PTPRO: variants seen among roughly 807,000 people sequenced by gnomAD.
PTPRO encodes receptor-type tyrosine-protein phosphatase O.
A neutral mutation model predicts 145.2 loss-of-function variants in PTPRO; 62 were observed. The ratio of observed to expected loss-of-function variants is 0.43; its 90% confidence interval spans 0.35 to 0.53. The LOEUF is 0.53. Ranked by LOEUF, PTPRO falls within the 20% of genes least tolerant of loss-of-function variation. The pLI is 0.01. For synonymous variants in PTPRO, 565 were observed against 514.7 expected (o/e 1.10, Z -1.32); for missense variants, 1,345 against 1,482.7 (o/e 0.91, Z 1.53).
intron 23 of PTPRO, among the ~76,000 whole-genome samples, chr12:15,585,113 A>C (rs1205061228): frequency 6.6e-6 from 1 of 152,148 alleles, no homozygotes; most frequent in Non-Finnish European, 1.5e-5. Context: ...TGATTTCCTG[A>C]TTTTAAATCA....
intron 1 of PTPRO, among the ~76,000 whole-genome samples, chr12:15,422,723 C>A (rs1362858178): frequency 6.6e-6 from 1 of 152,062 alleles, no homozygotes; most frequent in Non-Finnish European, 1.5e-5. Context: ...ATGTCCTTTG[C>A]ATATTTAGGA....
chr12:15,411,991 A>T (rs1939813413), intron 1 of PTPRO, among the ~76,000 whole-genome samples: 1 of 152,234 alleles, frequency 6.6e-6, no homozygotes, highest in Non-Finnish European at 1.5e-5. Flanking sequence ...ATGTCCAGTC[A>T]TCTACCAAGA....
At chr12:15,563,054 C>T (rs577986365) in intron 17 of PTPRO, among the ~76,000 whole-genome samples, 2 of 152,030 alleles carry the variant, frequency 1.3e-5, no homozygotes, top group Admixed American at 1.3e-4. Flanking sequence ...ATTGCTTTTT[C>T]GGAATGAATT....
intron 1 of PTPRO, among the ~76,000 whole-genome samples, chr12:15,379,526 A>G (rs1350841613): frequency 1.6e-5 from 2 of 128,114 alleles, no homozygotes; most frequent in African/African-American, 6.5e-5. Context: ...GAAAAGCTCC[A>G]TCTCAAAAAA....
chr12:15,485,763 A>C (rs1007320885), intron 2 of PTPRO, among the ~76,000 whole-genome samples: 5 of 152,104 alleles, frequency 3.3e-5, no homozygotes, highest in Admixed American at 2.6e-4. Context: ...CTAGAATATC[A>C]CTTAGCATTT....
intron 12 of PTPRO, among the ~76,000 whole-genome samples, chr12:15,538,839 C>T (rs1010516925): frequency 2.6e-5 from 4 of 152,072 alleles, no homozygotes; most frequent in African/African-American, 9.7e-5. Context: ...GATCCCAGTT[C>T]TTGCCCTCAC....
At chr12:15,587,141 T>G (rs1332188685) in intron 24 of PTPRO, 90 bp downstream of exon 24, 8 of 1,407,788 alleles carry the variant, frequency 5.7e-6, no homozygotes, top group Non-Finnish European at 7.9e-6. Flanking sequence ...TTATCAGGTT[T>G]AGTTGAAAAT....
intron 19 of PTPRO, among the ~76,000 whole-genome samples, chr12:15,573,604 A>G (rs979150854): frequency 6.6e-6 from 1 of 152,158 alleles, no homozygotes; most frequent in Non-Finnish European, 1.5e-5. Flanking sequence ...TCTGGTAGGA[A>G]AATACAACTT....
chr12:15,407,744 A>G (rs1013008317), intron 1 of PTPRO, among the ~76,000 whole-genome samples: 5 of 152,232 alleles, frequency 3.3e-5, no homozygotes, highest in African/African-American at 1.2e-4. Context: ...TTTTAAAAAG[A>G]AGGGGAAAAT....
At chr12:15,429,216 T>C (rs976323208) in intron 1 of PTPRO, among the ~76,000 whole-genome samples, 2 of 152,202 alleles carry the variant, frequency 1.3e-5, no homozygotes, top group African/African-American at 2.4e-5. Context: ...GGGCTTGAGA[T>C]AGAAATGTTG....
intron 1 of PTPRO, among the ~76,000 whole-genome samples, chr12:15,377,381 G>A (rs1938719843): frequency 6.6e-6 from 1 of 152,032 alleles, no homozygotes; most frequent in East Asian, 1.9e-4. Flanking sequence ...TGTCAGAAAA[G>A]ATTTTAAAAG....
At chr12:15,571,281 C>T (rs11056564) in intron 19 of PTPRO, among the ~76,000 whole-genome samples, 28,880 of 151,812 alleles carry the variant, frequency 0.19, 2,885 homozygotes, top group Middle Eastern at 0.27. Context: ...TTTTCTGTCA[C>T]TTTTGTTTTG....
At chr12:15,375,144 G>T (rs1200482781) in intron 1 of PTPRO, among the ~76,000 whole-genome samples, 1 of 152,128 alleles carries the variant, frequency 6.6e-6, no homozygotes, top group Non-Finnish European at 1.5e-5. Context: ...TACAGAATTA[G>T]CCCTAGAAAA....
intron 12 of PTPRO, among the ~76,000 whole-genome samples, chr12:15,538,003 G>T: frequency 6.6e-6 from 1 of 152,018 alleles, no homozygotes; most frequent in East Asian, 1.9e-4. Flanking sequence ...GGTTTGCAGG[G>T]GGCAATACCT....
intron 15 of PTPRO, among the ~76,000 whole-genome samples, chr12:15,556,508 GAAA>G (rs75654902): frequency 8.1e-5 from 11 of 135,566 alleles, no homozygotes; most frequent in Non-Finnish European, 1.4e-4. Flanking sequence ...TCTACTTCTG[GAAA>G]AAAAAAAAAA....
At chr12:15,579,824 G>A (rs1490566593) in intron 20 of PTPRO, among the ~76,000 whole-genome samples, 4 of 151,988 alleles carry the variant, frequency 2.6e-5, no homozygotes, top group Non-Finnish European at 5.9e-5. Context: ...AAGGACAGGA[G>A]AGCTGGTAGT....
intron 2 of PTPRO, among the ~76,000 whole-genome samples, chr12:15,496,513 A>G (rs956700227): frequency 2.0e-5 from 3 of 152,188 alleles, no homozygotes; most frequent in African/African-American, 7.2e-5. Context: ...TGCAAAATGC[A>G]TTATTTACAA....
intron 1 of PTPRO, among the ~76,000 whole-genome samples, chr12:15,414,045 C>T (rs1939876702): frequency 6.6e-6 from 1 of 152,142 alleles, no homozygotes; most frequent in Non-Finnish European, 1.5e-5. Flanking sequence ...AGAAAGGAAA[C>T]TATTGATCTT....
intron 25 of PTPRO, among the ~76,000 whole-genome samples, chr12:15,594,566 CA>C (rs1565452702): frequency 1.3e-5 from 2 of 151,344 alleles, no homozygotes; most frequent in Admixed American, 6.6e-5. Context: ...TATATATAAA[CA>C]TATATATAAT....
Sources: gnomAD v4.1 joint callset for allele counts (sites outside exome capture counted in the v4.1 genomes callset) on GRCh38, gnomAD v4.1.1 for gene constraint, MANE v1.5 for transcripts, NCBI Gene and HGNC (gene_info 2026-07-23, HGNC 2026-07-21) for gene names.